Variants in PLA2R1 observed in about 807,000 individuals in gnomAD.
The protein encoded by PLA2R1 is phospholipase A2 receptor 1, also known as secretory phospholipase A2 receptor.
Under a neutral mutation model 195.9 loss-of-function variants are expected in PLA2R1, and 158 were observed. The ratio of observed to expected loss-of-function variants is 0.81; its 90% CI spans 0.71 to 0.92. PLA2R1 has a LOEUF of 0.92. Ranked by LOEUF, PLA2R1 falls within the 40% of genes least tolerant of loss-of-function variation. PLA2R1 has a pLI of 0.00. For missense variants in PLA2R1, 1,626 were observed against 1,764.6 expected, an observed-to-expected ratio of 0.92 and a Z score of 1.41; for synonymous variants, 586 against 598.2, an observed-to-expected ratio of 0.98 and a Z score of 0.30.
intron 2 of PLA2R1, among the ~76,000 whole-genome samples, chr2:160,043,982 G>A (rs765477879): frequency 4.6e-5 from 7 of 152,152 alleles, no homozygotes; most frequent in Non-Finnish European, 7.3e-5. Flanking sequence ...CTAGTCCAGT[G>A]CCTGATGAAT....
In PLA2R1 at chr2:159,983,876, A is replaced by G. The variant is rs765834580; in HGVS notation, c.2183+52T>C. ...GGATACTCACCCCTCAGAAGCCATT[A>G]CTGGGAGATAGAATATTTGACTGTA... is the stretch of plus-strand genomic sequence containing the variant. On this transcript the variant is annotated intron_variant, in intron 13 of 29. Transcript: ENST00000283243. 42 of 1,037,462 alleles carry G rather than the reference A, an allele frequency of 4.0e-5. 1 individual carries two copies. The highest frequency in any genetic ancestry group is 9.1e-5 in the South Asian group (6 of 66,216). 64.3% of individuals were successfully genotyped at this position (1,037,462 alleles called of 1,614,324 possible).
At chr2:160,023,998 A>G (rs1237492210) in intron 6 of PLA2R1, among the ~76,000 whole-genome samples, 1 of 148,594 alleles carries the variant, frequency 6.7e-6, no homozygotes, top group Non-Finnish European at 1.5e-5. Flanking sequence ...CAACACCACC[A>G]GGGTCACCTA....
intron 23 of PLA2R1, among the ~76,000 whole-genome samples, chr2:159,952,740 T>A (rs1456044167): frequency 6.6e-6 from 1 of 152,170 alleles, no homozygotes; most frequent in Non-Finnish European, 1.5e-5. Context: ...CACACACTAT[T>A]GTATGGAGAC....
intron 3 of PLA2R1, among the ~76,000 whole-genome samples, chr2:160,039,016 A>G (rs759512683): frequency 3.3e-5 from 5 of 151,884 alleles, no homozygotes; most frequent in African/African-American, 7.3e-5. Flanking sequence ...ACAGGTGCCT[A>G]CCACCACACC....
At chr2:160,009,512 T>C (rs947651458) in intron 10 of PLA2R1, among the ~76,000 whole-genome samples, 4 of 152,122 alleles carry the variant, frequency 2.6e-5, no homozygotes, top group Non-Finnish European at 2.9e-5. Context: ...AGAATAGTAG[T>C]TGCCAGGGTC....
chr2:160,042,817 GTGTGTGTGTGTGTGTGTGTGTGTGTA>G (rs1264857948), intron 2 of PLA2R1, among the ~76,000 whole-genome samples: 2 of 90,574 alleles, frequency 2.2e-5, no homozygotes, highest in Non-Finnish European at 5.9e-5. Context: ...GTGTGTGTGT[GTGTGTGTGTGTGTGTGTGTGTGTGTA>G]TGTGTGAGAC....
chr2:160,035,879 C>T (rs1694136053), intron 3 of PLA2R1, among the ~76,000 whole-genome samples: 1 of 152,178 alleles, frequency 6.6e-6, no homozygotes, highest in African/African-American at 2.4e-5. Context: ...CCAAATTCAG[C>T]AACTGTTAGT....
At chr2:159,950,029 C>A (rs1341155630) in intron 24 of PLA2R1, among the ~76,000 whole-genome samples, 1 of 152,158 alleles carries the variant, frequency 6.6e-6, no homozygotes, top group African/African-American at 2.4e-5. Flanking sequence ...GAAATTGGAC[C>A]AGTACCTTGT....
At position 159,954,013 on chromosome 2, in the gene PLA2R1, T is replaced by C. The variant is rs1484827126; in HGVS notation, c.3301+1186A>G. Among the ~76,000 whole-genome samples the C allele has an allele frequency of 3.9e-5, 6 of 152,300 alleles. No individual in the cohort carries two copies. In the East Asian group the frequency reaches 9.6e-4, roughly 24 times the overall value. On this transcript the variant is annotated intron_variant, in intron 23 of 29. Coordinates refer to ENST00000283243, the MANE Select transcript of PLA2R1 (RefSeq NM_007366.5). ...CACGCCCGGCTAATTTTTTGTATTT[T>C]AGTAGAGACGGGGTTTCACCATGTT...
At chr2:160,050,988 G>C (rs1250419113) in intron 1 of PLA2R1, among the ~76,000 whole-genome samples, 2 of 152,210 alleles carry the variant, frequency 1.3e-5, no homozygotes, top group East Asian at 3.8e-4. Context: ...AGAACTAGCT[G>C]AGTGAAGGTT....
chr2:159,983,910 T>A lies in PLA2R1; in HGVS notation c.2183+18A>T. On this transcript the variant is annotated intron_variant, in intron 13 of 29. Coordinates refer to ENST00000283243, the MANE Select transcript of PLA2R1 (RefSeq NM_007366.5). ...TAGAATATTTGACTGTAATTTTTCA[T>A]AATTAACAAGTATTTACCAATTAAA... 1 of 1,397,054 alleles carries A rather than the reference T, an allele frequency of 7.2e-7. No individual in the cohort carries two copies. The highest frequency in any genetic ancestry group is 1.0e-6 in the Non-Finnish European group (1 of 995,312). The allele number at this position is 1,397,054 out of a possible 1,614,324, so 86.5% of individuals were successfully genotyped here.
intron 10 of PLA2R1, among the ~76,000 whole-genome samples, chr2:160,009,324 A>G (rs1446703637): frequency 1.3e-5 from 2 of 152,264 alleles, no homozygotes; most frequent in East Asian, 3.8e-4. Context: ...TTAATGGATG[A>G]ATGGATAAAC....
chr2:160,016,662 A>G lies in PLA2R1; in HGVS notation c.1503T>C (p.Cys501=), dbSNP rs11883671. 3 of 1,610,246 alleles carry G rather than the reference A, an allele frequency of 1.9e-6. No individual in the cohort carries two copies. The highest frequency in any genetic ancestry group is 1.3e-5 in the African/African-American group (1 of 74,844). The change falls in exon 9 of 30, where the codon TGT becomes TGC. Residue 501 remains cysteine (C), a synonymous_variant. Coordinates refer to ENST00000283243, the MANE Select transcript of PLA2R1 (RefSeq NM_007366.5). ...KNCEERLFYI[C]KKAGHVLSDA... is the part of the protein sequence containing the mutation. ...CAGAGAGGACATGGCCTGCTTTTTT[A>G]CAAATGTAAAAAAGTCTTTCTTCAC...
At chr2:160,000,017 A>C (rs1185516805) in intron 11 of PLA2R1, among the ~76,000 whole-genome samples, 2 of 152,196 alleles carry the variant, frequency 1.3e-5, no homozygotes, top group Non-Finnish European at 2.9e-5. Flanking sequence ...CAAATGAAGT[A>C]AAAGTATGAA....
chr2:160,014,200 G>T (rs1692578013), intron 9 of PLA2R1, among the ~76,000 whole-genome samples: 1 of 151,302 alleles, frequency 6.6e-6, no homozygotes, highest in Admixed American at 6.6e-5. Flanking sequence ...TCCAAATAGA[G>T]AATGGCCAAT....
the PLA2R1 span, among the ~76,000 whole-genome samples, chr2:159,923,968 T>G: frequency 0.67 from 101,917 of 152,014 alleles, 36,560 homozygotes; most frequent in East Asian, 0.81. Context: ...CTCTCACAAT[T>G]CTGGAGGTCA....
downstream of PLA2R1, among the ~76,000 whole-genome samples, chr2:159,929,404 G>T (rs912690183): frequency 1.3e-5 from 2 of 152,050 alleles, no homozygotes; most frequent in African/African-American, 2.4e-5. Context: ...AAAAATGCTC[G>T]ACATCACTGA....
At chr2:160,054,705 GT>G (rs1229584001) in intron 1 of PLA2R1, among the ~76,000 whole-genome samples, 1 of 152,090 alleles carries the variant, frequency 6.6e-6, no homozygotes, top group East Asian at 1.9e-4. Context: ...TTTATAAAAT[GT>G]TTTTCCCTAA....
At chr2:160,045,312 G>A (rs1694792021) in intron 1 of PLA2R1, among the ~76,000 whole-genome samples, 155 bp from the exon 2 acceptor site, 1 of 152,210 alleles carries the variant, frequency 6.6e-6, no homozygotes, top group Non-Finnish European at 1.5e-5. Context: ...CTGAAGGGCT[G>A]TATTTGCATA....
Sources: gnomAD v4.1 joint callset for allele counts (sites outside exome capture counted in the v4.1 genomes callset) on GRCh38, gnomAD v4.1.1 for gene constraint, MANE v1.5 for transcripts, NCBI Gene and HGNC (gene_info 2026-07-23, HGNC 2026-07-21) for gene names.